SYCP2: variants seen among roughly 807,000 people sequenced by gnomAD.
The protein encoded by SYCP2 is synaptonemal complex lateral element protein.
SYCP2 carries 55 observed loss-of-function variants against 211.3 expected under a neutral mutation model. That is an observed-to-expected ratio of 0.26 (90% CI 0.21 to 0.33). The LOEUF (loss-of-function observed/expected upper bound fraction) is 0.33, where lower values mean the gene tolerates loss of function less well. Among genes scored for constraint, SYCP2 ranks in the 10% least tolerant of loss-of-function variants. The pLI, the probability that SYCP2 is intolerant of heterozygous loss-of-function variation, is 1.00. For missense variants in SYCP2, 1,731 were observed against 1,752.0 expected (o/e 0.99, Z 0.21); for synonymous variants, 570 against 555.2 (o/e 1.03, Z -0.37).
At chr20:59,926,950 C>G (rs1274016524) in intron 2 of SYCP2, among the ~76,000 whole-genome samples, 4 of 152,128 alleles carry the variant, frequency 2.6e-5, no homozygotes, top group Non-Finnish European at 5.9e-5. Context: ...TGAAACAAGT[C>G]AGATTCTGGA....
chr20:59,885,639 TACACACAC>T (rs555963029), intron 26 of SYCP2, among the ~76,000 whole-genome samples: 1 of 150,968 alleles, frequency 6.6e-6, no homozygotes, highest in African/African-American at 2.4e-5. Flanking sequence ...ATTAAAAAAA[TACACACAC>T]ACACACACGC....
At chr20:59,884,315 A>C (rs998006480) in intron 26 of SYCP2, among the ~76,000 whole-genome samples, 54 of 152,206 alleles carry the variant, frequency 3.5e-4, no homozygotes, top group Non-Finnish European at 3.4e-4. Context: ...GTTAGGAAAA[A>C]AATATGTGTT....
intron 2 of SYCP2, among the ~76,000 whole-genome samples, chr20:59,924,758 A>G (rs997917794): frequency 7.2e-5 from 11 of 152,062 alleles, no homozygotes; most frequent in Admixed American, 2.6e-4. Flanking sequence ...ACACAAACAA[A>G]AGAAAGCTAA....
Position 59,918,900 on chromosome 20 carries a change from G to C in SYCP2, c.427+258C>G, listed in dbSNP as rs539328848. On this transcript the variant is annotated intron_variant, in intron 7 of 44. Transcript: ENST00000357552. ...TTGTACAACTATTATATTTTCAATG[G>C]CATCAATAAATTATTCATAGAAATT... is the stretch of plus-strand genomic sequence containing the variant. 9.2e-5 allele frequency among the ~76,000 whole-genome samples: 14 copies of C among 152,072 alleles called. No individual in the cohort carries two copies. In the South Asian group the frequency reaches 2.9e-3, roughly 32 times the overall value.
In SYCP2 at chr20:59,892,175, C is replaced by A. The variant is rs2059920328; in HGVS notation, c.2179G>T (p.Val727Phe). The change falls in exon 24 of 45, where the codon GTT becomes TTT. Residue 727 changes from valine (V) to phenylalanine (F), a missense_variant. Transcript: ENST00000357552. Reference protein sequence around the residue: ...PVESETTFKSVLLNKTIEESL... With the variant: ...PVESETTFKSFLLNKTIEESL... The stretch of plus-strand genomic sequence containing the variant: ...TCTTCAATTGTCTTATTTAGGAGAA[C>A]CGATTTAAAAGTAGTTTCAGATTCA... The A allele has an allele frequency of 1.9e-6, 3 of 1,612,504 alleles. No homozygotes were observed. Among genetic ancestry groups the A allele is most frequent in the Non-Finnish European group, 2.5e-6 (3 of 1,179,132 alleles).
chr20:59,919,277 G>T, intron 6 of SYCP2, 95 bp from the exon 7 acceptor site: 1 of 728,484 alleles, frequency 1.4e-6, no homozygotes. Context: ...TGAAATGACA[G>T]ATTACATTTT....
Position 59,880,295 on chromosome 20 carries a change from TTTC to T in SYCP2, c.2941+5_2941+7del. 1 of 1,560,012 alleles carries T rather than the reference TTTC, an allele frequency of 6.4e-7. No homozygotes were observed. ...TTTGCAACATTTATCCAAAAGATAA[TTTC>T]TTACTTGATTTTCCACTTTTATGAT... On this transcript the variant is annotated splice_donor_5th_base_variant and intron_variant, in intron 31 of 44. Coordinates refer to ENST00000357552, the MANE Select transcript of SYCP2 (RefSeq NM_014258.4).
chr20:59,888,986 AAATG>A (rs2059851422), intron 24 of SYCP2, among the ~76,000 whole-genome samples: 1 of 152,052 alleles, frequency 6.6e-6, no homozygotes, highest in Non-Finnish European at 1.5e-5. Flanking sequence ...AGATCTAAAT[AAATG>A]AAGAGATATT....
chr20:59,864,418 A>G (rs1332195716), intron 44 of SYCP2, 30 bp from the exon 45 acceptor site: 1 of 1,465,058 alleles, frequency 6.8e-7, no homozygotes, highest in Non-Finnish European at 9.3e-7. Context: ...AATCACACTT[A>G]GATTTCACAT....
At position 59,879,840 on chromosome 20, in the gene SYCP2, T is replaced by A. The variant is rs867640893; in HGVS notation, c.2941+463A>T. Among the ~76,000 whole-genome samples the A allele has an allele frequency of 5.5e-3, 680 of 123,788 alleles. 8 individuals carry two copies. Among genetic ancestry groups the A allele is most frequent in the African/African-American group, 0.025 (644 of 25,530 alleles). 81.2% of individuals were successfully genotyped at this position (123,788 alleles called of 152,430 possible). A position where few individuals can be genotyped will look rare whatever the true frequency, so the allele number is the denominator to read the frequency against. On this transcript the variant is annotated intron_variant, in intron 31 of 44. Coordinates refer to ENST00000357552, the MANE Select transcript of SYCP2 (RefSeq NM_014258.4). Reference sequence around the variant, plus strand: ...ATAAATAAATATATATATATATATATATATATATATATATATATATATACA... The same window carrying A: ...ATAAATAAATATATATATATATATAAATATATATATATATATATATATACA...
chr20:59,901,996 C>T (rs2060124360), intron 15 of SYCP2, among the ~76,000 whole-genome samples, 186 bp from the exon 16 acceptor site: 1 of 152,040 alleles, frequency 6.6e-6, no homozygotes. Context: ...ATTTAGCTTT[C>T]CTAGTCTCAG....
chr20:59,916,264 T>C (rs2060440318), intron 8 of SYCP2, among the ~76,000 whole-genome samples: 1 of 152,168 alleles, frequency 6.6e-6, no homozygotes, highest in South Asian at 2.1e-4. Context: ...AAAAATCTGG[T>C]TGGTATAATT....
intron 15 of SYCP2, among the ~76,000 whole-genome samples, chr20:59,903,713 TACC>T (rs1347507569): frequency 2.6e-5 from 4 of 152,132 alleles, no homozygotes; most frequent in African/African-American, 9.7e-5. Flanking sequence ...TCTTCTGAAT[TACC>T]ACATCATAGT....
At chr20:59,892,519 T>G (rs757077148) in intron 23 of SYCP2, 49 bp downstream of exon 23, 1 of 1,549,728 alleles carries the variant, frequency 6.5e-7, no homozygotes, top group African/African-American at 1.4e-5. Flanking sequence ...GTTAGACATT[T>G]GAGGAAATTA....
At chr20:59,873,334 C>A (rs6123955) in intron 35 of SYCP2, among the ~76,000 whole-genome samples, 1 of 152,172 alleles carries the variant, frequency 6.6e-6, no homozygotes, top group African/African-American at 2.4e-5. Flanking sequence ...AACACAAGCA[C>A]TGCAATACCT....
intron 44 of SYCP2, among the ~76,000 whole-genome samples, chr20:59,865,120 A>G (rs2059303615): frequency 6.6e-6 from 1 of 152,056 alleles, no homozygotes; most frequent in African/African-American, 2.4e-5. Flanking sequence ...CCCAGTGTTT[A>G]GAAACTGCAA....
Position 59,868,582 on chromosome 20 carries a change from A to G in SYCP2, c.3833-14T>C, listed in dbSNP as rs772902578. ...GTTGGGTGGGGCCTTAGGAACAGTT[A>G]AAGAAAGTTAAAAGCGCTGCAATTT... On this transcript the variant is annotated splice_polypyrimidine_tract_variant and intron_variant, in intron 37 of 44. Coordinates refer to ENST00000357552, the MANE Select transcript of SYCP2 (RefSeq NM_014258.4). 5 of 1,565,036 alleles carry G rather than the reference A, an allele frequency of 3.2e-6. No individual in the cohort carries two copies. In the East Asian group the frequency reaches 1.1e-4, roughly 36 times the overall value.
At chr20:59,910,893 T>A (rs1473548977) in intron 14 of SYCP2, among the ~76,000 whole-genome samples, 1 of 151,928 alleles carries the variant, frequency 6.6e-6, no homozygotes, top group Non-Finnish European at 1.5e-5. Flanking sequence ...TGAGAAGCAG[T>A]GCTAGTCATT....
intron 2 of SYCP2, among the ~76,000 whole-genome samples, chr20:59,931,633 G>A (rs557943774): frequency 6.6e-6 from 1 of 152,300 alleles, no homozygotes; most frequent in African/African-American, 2.4e-5. Flanking sequence ...TTGAAACAGT[G>A]TATTTTACAA....
Sources: gnomAD v4.1 joint callset for allele counts (sites outside exome capture counted in the v4.1 genomes callset) on GRCh38, gnomAD v4.1.1 for gene constraint, MANE v1.5 for transcripts, NCBI Gene and HGNC (gene_info 2026-07-23, HGNC 2026-07-21) for gene names.